Variants in PDCD10 observed in about 807,000 individuals in gnomAD.
PDCD10 encodes programmed cell death protein 10.
Under a neutral mutation model 29.2 loss-of-function variants are expected in PDCD10, and 4 were observed. That is an observed-to-expected ratio of 0.14 (90% CI 0.07 to 0.31). The LOEUF is 0.31. Among genes scored for constraint, PDCD10 ranks in the 10% least tolerant of loss-of-function variants. The pLI is 1.00. For missense variants in PDCD10, 183 were observed against 257.9 expected (o/e 0.71, Z 1.99); for synonymous variants, 70 against 82.2 (o/e 0.85, Z 0.80).
chr3:167,690,327 C>G (rs560649664), intron 6 of PDCD10, among the ~76,000 whole-genome samples: 2 of 152,194 alleles, frequency 1.3e-5, no homozygotes, highest in African/African-American at 4.8e-5. Flanking sequence ...TGCAAATGCA[C>G]TAATGAAAGG....
At chr3:167,720,305 A>C (rs1258641606) in intron 2 of PDCD10, 32 bp from the exon 3 acceptor site, 3 of 640,844 alleles carry the variant, frequency 4.7e-6, no homozygotes, top group Non-Finnish European at 8.4e-6. Context: ...ACAGAGACTT[A>C]CTATATTAAG....
chr3:167,728,909 C>G (rs1724504063), intron 2 of PDCD10, among the ~76,000 whole-genome samples: 1 of 152,166 alleles, frequency 6.6e-6, no homozygotes, highest in African/African-American at 2.4e-5. Flanking sequence ...AGGGAGCGTA[C>G]CTGCTTCACA....
At chr3:167,722,927 C>T (rs1163614374) in intron 2 of PDCD10, among the ~76,000 whole-genome samples, 1 of 152,184 alleles carries the variant, frequency 6.6e-6, no homozygotes, top group Non-Finnish European at 1.5e-5. Context: ...CTAAAACTAA[C>T]TTTACAGTAC....
chr3:167,719,627 G>C (rs1723369756), intron 3 of PDCD10, among the ~76,000 whole-genome samples: 1 of 151,936 alleles, frequency 6.6e-6, no homozygotes, highest in African/African-American at 2.4e-5. Context: ...CTGCTATTCT[G>C]GCTACCTAGA....
intron 6 of PDCD10, among the ~76,000 whole-genome samples, chr3:167,691,985 T>C (rs1720292764): frequency 6.6e-6 from 1 of 152,222 alleles, no homozygotes; most frequent in Non-Finnish European, 1.5e-5. Flanking sequence ...TATAAATGAT[T>C]GTTATTAAGA....
At chr3:167,724,703 T>C (rs913712063) in intron 2 of PDCD10, among the ~76,000 whole-genome samples, 1 of 152,160 alleles carries the variant, frequency 6.6e-6, no homozygotes, top group Non-Finnish European at 1.5e-5. Context: ...ATCAAATTAA[T>C]TCTATTAACA....
chr3:167,725,875 A>G (rs1387685600), intron 2 of PDCD10, among the ~76,000 whole-genome samples: 1 of 147,488 alleles, frequency 6.8e-6, no homozygotes, highest in African/African-American at 2.5e-5. Context: ...ATAAGCATTT[A>G]AAGTCTCAAA....
At chr3:167,726,114 G>GTTTTTTTTTTTT in intron 2 of PDCD10, among the ~76,000 whole-genome samples, 1 of 85,770 alleles carries the variant, frequency 1.2e-5, no homozygotes, top group African/African-American at 4.7e-5. Context: ...GTAGAGTACT[G>GTTTTTTTTTTTT]TTTTTTTTTT....
chr3:167,686,633 T>C (rs996544641), intron 8 of PDCD10, among the ~76,000 whole-genome samples: 18 of 152,110 alleles, frequency 1.2e-4, no homozygotes, highest in African/African-American at 3.9e-4. Flanking sequence ...GAAATGCAAA[T>C]TCTTAGGCTC....
intron 2 of PDCD10, among the ~76,000 whole-genome samples, chr3:167,729,126 G>A (rs576851368): frequency 6.6e-6 from 1 of 152,244 alleles, no homozygotes; most frequent in East Asian, 1.9e-4. Context: ...CTCACAAAGA[G>A]TAGCTTGCCA....
intron 8 of PDCD10, 82 bp downstream of exon 8, chr3:167,687,152 C>T (rs939909761): frequency 7.7e-5 from 57 of 736,302 alleles, no homozygotes; most frequent in Middle Eastern, 3.6e-4. Flanking sequence ...AATAAAAGGG[C>T]TTAATTTATG....
chr3:167,707,843 G>A (rs1227040316), intron 3 of PDCD10, among the ~76,000 whole-genome samples: 1 of 152,096 alleles, frequency 6.6e-6, no homozygotes, highest in Non-Finnish European at 1.5e-5. Context: ...GCACTGCTTG[G>A]GCCTCAGTTA....
At chr3:167,687,501 T>A (rs1719746075) in intron 7 of PDCD10, 114 bp downstream of exon 7, 2 of 772,840 alleles carry the variant, frequency 2.6e-6, no homozygotes, top group Admixed American at 2.0e-5. Flanking sequence ...ATAAACTCAA[T>A]GGTTAATGAC....
chr3:167,721,707 C>G (rs765114526), intron 2 of PDCD10, among the ~76,000 whole-genome samples: 3 of 152,128 alleles, frequency 2.0e-5, no homozygotes, highest in Non-Finnish European at 4.4e-5. Context: ...TTCTAAACAT[C>G]AAAGAGTTTT....
At chr3:167,699,723 C>G (rs1721177104) in intron 4 of PDCD10, among the ~76,000 whole-genome samples, 1 of 152,138 alleles carries the variant, frequency 6.6e-6, no homozygotes, top group South Asian at 2.1e-4. Context: ...GACGGACAAC[C>G]TATCGGAACC....
chr3:167,710,434 T>C (rs1450755550), intron 3 of PDCD10, among the ~76,000 whole-genome samples: 2 of 152,080 alleles, frequency 1.3e-5, no homozygotes, highest in South Asian at 2.1e-4. Flanking sequence ...GAACTCCCCA[T>C]GTGCCAGTGA....
intron 4 of PDCD10, among the ~76,000 whole-genome samples, chr3:167,701,875 C>T (rs780554911): frequency 6.6e-6 from 1 of 152,022 alleles, no homozygotes; most frequent in Middle Eastern, 3.4e-3. Context: ...CCACGGAAAT[C>T]ATGAAAGAGA....
At chr3:167,697,857 CAG>C in intron 4 of PDCD10, 1 of 452,070 alleles carries the variant, frequency 2.2e-6, no homozygotes, top group Non-Finnish European at 4.5e-6. Context: ...TTACCAAAGC[CAG>C]AGTTAATCTT....
At chr3:167,724,085 C>A (rs1249632474) in intron 2 of PDCD10, among the ~76,000 whole-genome samples, 8 of 152,190 alleles carry the variant, frequency 5.3e-5, no homozygotes, top group Admixed American at 1.3e-4. Flanking sequence ...AAGAGCCACA[C>A]ATGGGTATAT....
Sources: allele counts gnomAD v4.1 joint callset (sites outside exome capture counted in the v4.1 genomes callset), GRCh38; gene constraint gnomAD v4.1.1; transcripts MANE v1.5; gene names NCBI Gene and HGNC (gene_info 2026-07-23, HGNC 2026-07-21).